The following NOS1 variants were observed in gnomAD, a reference collection of about 807,000 sequenced individuals.
The protein encoded by NOS1 is NOS type I.
In NOS1, 51 loss-of-function variants were observed where a neutral mutation model predicts 164.5. The ratio of observed to expected loss-of-function variants is 0.31; its 90% CI spans 0.25 to 0.39. NOS1 has a LOEUF of 0.39. NOS1 is among the 10% of genes least tolerant of loss of function. NOS1 has a pLI of 1.00. For missense variants in NOS1, 1,362 were observed against 1,885.6 expected, an observed-to-expected ratio of 0.72 and a Z score of 5.14; for synonymous variants, 719 against 745.8, an observed-to-expected ratio of 0.96 and a Z score of 0.59.
intron 20 of NOS1, among the ~76,000 whole-genome samples, chr12:117,240,617 TATG>T (rs1298058451): frequency 6.6e-6 from 1 of 152,216 alleles, no homozygotes; most frequent in African/African-American, 2.4e-5. Context: ...TTAAAATGTG[TATG>T]ATAAGAGTGC....
intron 2 of NOS1, among the ~76,000 whole-genome samples, chr12:117,326,019 A>G (rs1000370527): frequency 2.6e-5 from 4 of 152,192 alleles, no homozygotes; most frequent in Admixed American, 1.3e-4. Flanking sequence ...GCATCCAGTT[A>G]GTAAAGACAT....
At chr12:117,219,466 C>T (rs1485476697) in intron 27 of NOS1, among the ~76,000 whole-genome samples, 1 of 151,982 alleles carries the variant, frequency 6.6e-6, no homozygotes, top group Admixed American at 6.6e-5. Flanking sequence ...GCCACCATAG[C>T]CAGCTAATTT....
At position 117,233,722 on chromosome 12, in the gene NOS1, C is replaced by T. The variant is rs1307918703; in HGVS notation, c.3235+843G>A. On this transcript the variant is annotated intron_variant, in intron 21 of 28. Transcript: ENST00000317775. ...ACTCAGGAGGCTAAGGCAGGAGAAT[C>T]GCTTGAACCTGGGAGGTGGAGGTTG... Among the ~76,000 whole-genome samples the T allele has an allele frequency of 2.7e-5, 4 of 149,424 alleles. No individual in the cohort carries two copies. In the Admixed American group the frequency reaches 2.7e-4, roughly 10 times the overall value.
At chr12:117,256,041 G>C (rs2135972389) in intron 16 of NOS1, 1 of 1,407,110 alleles carries the variant, frequency 7.1e-7, no homozygotes, top group Middle Eastern at 1.9e-4. Context: ...CGGGTACCTA[G>C]AGGGGAGAAT....
chr12:117,241,399 C>T (rs1019765647), intron 20 of NOS1, among the ~76,000 whole-genome samples: 1 of 151,212 alleles, frequency 6.6e-6, no homozygotes. Context: ...CACCTCTGTT[C>T]CCAGAGCAGC....
At chr12:117,320,770 C>A (rs369944407) in intron 2 of NOS1, among the ~76,000 whole-genome samples, 33 of 152,280 alleles carry the variant, frequency 2.2e-4, no homozygotes, top group African/African-American at 6.0e-4. Context: ...GTCCTTTGCA[C>A]GTCCCAACCC....
intron 3 of NOS1, among the ~76,000 whole-genome samples, chr12:117,304,680 G>A (rs554939855): frequency 2.0e-5 from 3 of 152,164 alleles, no homozygotes; most frequent in South Asian, 2.1e-4. Flanking sequence ...TACACACAAC[G>A]CACTCTGTGA....
At position 117,356,630 on chromosome 12, in the gene NOS1, A is replaced by T. The variant is rs538384226; in HGVS notation, c.-421+4882T>A. On this transcript the variant is annotated intron_variant, in intron 1 of 28. Transcript: ENST00000317775. This position sits in a 1 kb window ranked among gnomAD's most constrained non-coding sequence, Gnocchi z 4.2. ...CCATTTAACACGTGTCATGACACATACAATAAATGTGCTGACGTCTGCTGC... is the reference window on the plus strand; with the variant it reads ...CCATTTAACACGTGTCATGACACATTCAATAAATGTGCTGACGTCTGCTGC... Among the ~76,000 whole-genome samples the T allele has an allele frequency of 6.6e-6, 1 of 152,350 alleles. No homozygotes were observed. The highest frequency in any genetic ancestry group is 1.9e-4 in the East Asian group (1 of 5,186).
chr12:117,355,270 T>G (rs1876804956), intron 1 of NOS1, among the ~76,000 whole-genome samples: 1 of 152,168 alleles, frequency 6.6e-6, no homozygotes, highest in African/African-American at 2.4e-5. Context: ...AAATGGGAAC[T>G]TTGCCCCTTG....
chr12:117,287,899 G>A (rs4569079), intron 5 of NOS1, among the ~76,000 whole-genome samples, 175 bp downstream of exon 5: 2 of 152,224 alleles, frequency 1.3e-5, no homozygotes, highest in African/African-American at 2.4e-5. Context: ...ACCCTTTGCA[G>A]GTGAAACAAA....
Position 117,260,547 on chromosome 12 carries a change from A to G in NOS1, c.2285T>C (p.Ile762Thr). ...QAMAKRVKAT[I>T]LYATETGKSQ... ...TTTGCCTGTCTCTGTGGCATAGAGG[A>G]TGGTCGCTTTCACCCTCTTGGCCAT... Residue 762 changes from isoleucine (I) to threonine (T), a missense_variant, in exon 14 of 29, where the codon ATC becomes ACC. By Grantham distance (89) the Ile-to-Thr change is moderately conservative. Around this residue, in one of 4 missense-constraint regions of NOS1, gnomAD observed 737 missense variants for 1,030.3 expected, o/e 0.72. Transcript: ENST00000317775. The G allele has an allele frequency of 3.1e-6, 5 of 1,614,066 alleles. No individual in the cohort carries two copies. Among genetic ancestry groups the G allele is most frequent in the Non-Finnish European group, 4.2e-6 (5 of 1,179,974 alleles).
At chr12:117,281,838 A>T (rs1291662295) in intron 7 of NOS1, among the ~76,000 whole-genome samples, 1 of 6,158 alleles carries the variant, frequency 1.6e-4, no homozygotes, top group African/African-American at 5.5e-4. Flanking sequence ...TCAAAAAAAG[A>T]AAAAAAAAAA....
chr12:117,282,774 T>C (rs1425136799), intron 7 of NOS1, among the ~76,000 whole-genome samples: 1 of 152,196 alleles, frequency 6.6e-6, no homozygotes, highest in Non-Finnish European at 1.5e-5. Context: ...AACACATTGC[T>C]GTTTCTCTGG....
In NOS1 at chr12:117,215,318, G is replaced by A. The variant is rs1592917367; in HGVS notation, c.4296C>T (p.Phe1432=). ...EESKKDTDEV[F]SS is the part of the protein sequence containing the mutation. Reference sequence around the variant, plus strand: ...GGGCAAGAGGGTCCAGTTAGGAGCTGAAAACCCTGTGGAAAGAGAAGTTGG... The same window carrying A: ...GGGCAAGAGGGTCCAGTTAGGAGCTAAAAACCCTGTGGAAAGAGAAGTTGG... The change falls in exon 29 of 29, where the codon TTC becomes TTT. Residue 1432 remains phenylalanine (F), a synonymous_variant. Coordinates refer to ENST00000317775, the MANE Select transcript of NOS1 (RefSeq NM_000620.5). 11 of 1,550,340 alleles carry A rather than the reference G, an allele frequency of 7.1e-6. No homozygotes were observed. The highest frequency in any genetic ancestry group is 8.7e-6 in the Non-Finnish European group (10 of 1,146,770).
chr12:117,331,313 G>A lies in NOS1; in HGVS notation c.-244C>T, dbSNP rs373128649. The A allele has an allele frequency of 1.9e-6, 1 of 521,776 alleles. No individual in the cohort carries two copies. The allele number at this position is 521,776 out of a possible 1,614,324, so 32.3% of individuals were successfully genotyped here. ...TCTCCTTATTCTCTAAGGAAGTGAT[G>A]GTTGACCAGGCAGACGTCAAGAGAG... On this transcript the variant is annotated 5_prime_UTR_variant, in exon 2 of 29. Coordinates refer to ENST00000317775, the MANE Select transcript of NOS1 (RefSeq NM_000620.5).
In NOS1 at chr12:117,330,861, C is replaced by T. The variant is rs74738204; in HGVS notation, c.209G>A (p.Arg70Gln). The change falls in exon 2 of 29, where the codon CGG (arginine) becomes CAG (glutamine). Residue 70 changes from arginine to glutamine, a missense_variant. Arg to Gln is a conservative substitution (Grantham distance 43). Around this residue, in one of 4 missense-constraint regions of NOS1, gnomAD observed 362 missense variants for 402.0 expected, o/e 0.90. Coordinates refer to ENST00000317775, the MANE Select transcript of NOS1 (RefSeq NM_000620.5). This position sits in a 1 kb window ranked among gnomAD's most constrained non-coding sequence, Gnocchi z 4.6. ...AGDIILAVNG[R>Q]PLVDLSYDSA... ...GTCATAGCTCAGGTCCACCAAGGGC[C>T]GGCCGTTGACCGCAAGAATGATGTC... is the stretch of plus-strand genomic sequence containing the variant. The T allele has an allele frequency of 4.6e-5, 75 of 1,613,924 alleles. No individual in the cohort carries two copies. The highest frequency in any genetic ancestry group is 6.1e-5 in the Non-Finnish European group (72 of 1,180,006).
chr12:117,215,160 C>A lies in NOS1; in HGVS notation c.*149G>T. 6.0e-6 allele frequency: 8 copies of A among 1,327,926 alleles called. No individual in the cohort carries two copies. The highest frequency in any genetic ancestry group is 7.8e-6 in the Non-Finnish European group (8 of 1,029,448). The allele number at this position is 1,327,926 out of a possible 1,614,324, so 82.3% of individuals were successfully genotyped here. ...AAACCCAGGAGGGCCGAGGAAACCA[C>A]TGAGGGGCGAGAAGCCCGAGGAGGG... On this transcript the variant is annotated 3_prime_UTR_variant, in exon 29 of 29. Coordinates refer to ENST00000317775, the MANE Select transcript of NOS1 (RefSeq NM_000620.5).
chr12:117,331,965 A>G (rs1053514167), intron 1 of NOS1, among the ~76,000 whole-genome samples: 23 of 152,328 alleles, frequency 1.5e-4, no homozygotes, highest in African/African-American at 5.5e-4. Flanking sequence ...CGGGAATGAC[A>G]CTGCCTTCCA....
chr12:117,336,283 T>C (rs1032101314), intron 1 of NOS1, among the ~76,000 whole-genome samples: 18 of 152,180 alleles, frequency 1.2e-4, no homozygotes, highest in African/African-American at 7.2e-5. Flanking sequence ...ATTTTTAGCA[T>C]TGAAAGATGA....
Sources: gnomAD v4.1 joint callset for allele counts (sites outside exome capture counted in the v4.1 genomes callset) on GRCh38, gnomAD v4.1.1 for gene constraint, gnomAD v4.1.1 regional missense constraint, Gnocchi (gnomAD v3.1) non-coding constraint, MANE v1.5 for transcripts, NCBI Gene and HGNC (gene_info 2026-07-23, HGNC 2026-07-21) for gene names.